PRKACB: variants seen among roughly 807,000 people sequenced by gnomAD.
PRKACB encodes protein kinase cAMP-activated catalytic subunit beta.
PRKACB carries 16 observed loss-of-function variants against 51.4 expected under a neutral mutation model. The observed-to-expected ratio is 0.31, with a 90% CI of 0.21 to 0.47. The LOEUF (loss-of-function observed/expected upper bound fraction) is 0.47. PRKACB is among the 20% of genes least tolerant of loss of function. The pLI is 1.00. For missense variants in PRKACB, 309 were observed against 464.5 expected, an observed-to-expected ratio of 0.67 and a Z score of 3.08; for synonymous variants, 147 against 154.4, an observed-to-expected ratio of 0.95 and a Z score of 0.35.
At chr1:84,191,639 G>T (rs1259322542) in intron 5 of PRKACB, among the ~76,000 whole-genome samples, 1 of 152,008 alleles carries the variant, frequency 6.6e-6, no homozygotes, top group Non-Finnish European at 1.5e-5. Flanking sequence ...AGTGTACGTG[G>T]ACATAAAGAT....
intron 8 of PRKACB, 55 bp downstream of exon 8, chr1:84,202,860 TCA>T: frequency 7.0e-7 from 1 of 1,424,138 alleles, no homozygotes; most frequent in Non-Finnish European, 9.6e-7. Flanking sequence ...ATTTTAAGCT[TCA>T]TGAATTGAAA....
In PRKACB at chr1:84,173,205, G is replaced by A. The variant is rs1042389067; in HGVS notation, c.188-5972G>A. ...TATATAATACATTTTTGGTATGTAT[G>A]TTCAATTGTTTTATCATTCTATTTC... On this transcript the variant is annotated intron_variant, in intron 1 of 9. Coordinates refer to ENST00000370685, the MANE Select transcript of PRKACB (RefSeq NM_182948.4). The A allele has an allele frequency of 2.5e-5, 15 of 609,734 alleles. No individual in the cohort carries two copies. The African/African-American group carries it at 2.7e-4, about 11-fold the overall frequency. 37.8% of individuals were successfully genotyped at this position (609,734 alleles called of 1,614,324 possible).
At chr1:84,226,272 TTG>T (rs200862995) in intron 9 of PRKACB, among the ~76,000 whole-genome samples, 4,721 of 62,524 alleles carry the variant, frequency 0.076, 136 homozygotes, top group Non-Finnish European at 0.19. Context: ...TGTGGGTTTT[TTG>T]TTTTTTTTTT....
At chr1:84,106,620 G>T (rs796408431) in intron 1 of PRKACB, among the ~76,000 whole-genome samples, 1 of 152,162 alleles carries the variant, frequency 6.6e-6, no homozygotes, top group Non-Finnish European at 1.5e-5. Context: ...CAGACAAGTG[G>T]AAGAGCACTC....
At chr1:84,201,305 T>C (rs1416808753) in intron 7 of PRKACB, among the ~76,000 whole-genome samples, 2 of 152,130 alleles carry the variant, frequency 1.3e-5, no homozygotes, top group Non-Finnish European at 2.9e-5. Context: ...ATTTTTCAAA[T>C]GGTTAATAGC....
chr1:84,106,461 A>G (rs746430020), intron 1 of PRKACB, among the ~76,000 whole-genome samples: 5 of 152,194 alleles, frequency 3.3e-5, no homozygotes, highest in African/African-American at 9.7e-5. Flanking sequence ...ATACACTAAC[A>G]GCACCCAAGC....
rs1313773215 is a variant in PRKACB at position 84,236,057 on chromosome 1, T to C, written c.*752T>C. ...CATTCAGCAGGAAAAACTAATGATA[T>C]GGATCATCACCCAGATTCTCTCACT... On this transcript the variant is annotated 3_prime_UTR_variant, in exon 10 of 10. Coordinates refer to ENST00000370685, the MANE Select transcript of PRKACB (RefSeq NM_182948.4). 1 of 152,656 alleles carries C rather than the reference T, an allele frequency of 6.6e-6. No individual in the cohort carries two copies. The highest frequency in any genetic ancestry group is 1.5e-5 in the Non-Finnish European group (1 of 68,044). 9.5% of individuals were successfully genotyped at this position (152,656 alleles called of 1,614,324 possible).
At chr1:84,135,648 C>T (rs949013568) in intron 1 of PRKACB, among the ~76,000 whole-genome samples, 2 of 152,004 alleles carry the variant, frequency 1.3e-5, no homozygotes, top group African/African-American at 4.8e-5. Flanking sequence ...AGTTAAAGAA[C>T]ATATTTCTAA....
At chr1:84,177,069 T>G (rs957813819) in intron 1 of PRKACB, among the ~76,000 whole-genome samples, 3 of 152,040 alleles carry the variant, frequency 2.0e-5, no homozygotes, top group African/African-American at 7.2e-5. Flanking sequence ...ATGTTAAAGT[T>G]GTTTTTTTTA....
intron 1 of PRKACB, among the ~76,000 whole-genome samples, chr1:84,159,893 A>G (rs191040647): frequency 3.0e-4 from 46 of 152,218 alleles, no homozygotes; most frequent in African/African-American, 9.9e-4. Flanking sequence ...TTGATTTTCA[A>G]TGTTGAACCA....
At chr1:84,171,433 C>T (rs1281786583) in intron 1 of PRKACB, among the ~76,000 whole-genome samples, 1 of 151,478 alleles carries the variant, frequency 6.6e-6, no homozygotes, top group Non-Finnish European at 1.5e-5. Flanking sequence ...TTATGCAGAA[C>T]TTAACAAAAT....
At chr1:84,090,837 T>C (rs887361760) in intron 1 of PRKACB, among the ~76,000 whole-genome samples, 3 of 152,140 alleles carry the variant, frequency 2.0e-5, no homozygotes, top group African/African-American at 7.2e-5. Context: ...TTCTGCACTT[T>C]GATGGAAGGA....
intron 1 of PRKACB, among the ~76,000 whole-genome samples, chr1:84,090,508 A>C (rs1170568535): frequency 1.3e-5 from 2 of 152,218 alleles, no homozygotes; most frequent in Non-Finnish European, 2.9e-5. Context: ...TAGCTCTGCT[A>C]ATAAATCACT....
At chr1:84,194,925 A>G (rs931063664) in intron 5 of PRKACB, among the ~76,000 whole-genome samples, 7 of 152,154 alleles carry the variant, frequency 4.6e-5, no homozygotes. Context: ...GTAAGAAAAA[A>G]AAAGAATTTT....
upstream of PRKACB, among the ~76,000 whole-genome samples, chr1:84,140,185 G>A (rs1322037952): frequency 6.6e-6 from 1 of 152,198 alleles, no homozygotes; most frequent in African/African-American, 2.4e-5. Context: ...CAGTGAAAGA[G>A]AATAGAGAGT....
At chr1:84,098,382 C>T (rs530532361) in intron 1 of PRKACB, among the ~76,000 whole-genome samples, 197 of 152,136 alleles carry the variant, frequency 1.3e-3, no homozygotes, top group Non-Finnish European at 2.4e-3. Context: ...CATTTTGTTT[C>T]CCTTTTAACA....
intron 1 of PRKACB, among the ~76,000 whole-genome samples, chr1:84,174,648 T>G (rs1660629680): frequency 6.6e-6 from 1 of 151,896 alleles, no homozygotes; most frequent in Admixed American, 6.6e-5. Flanking sequence ...GGTGTTATAA[T>G]GCGTAATGTC....
intron 1 of PRKACB, among the ~76,000 whole-genome samples, chr1:84,083,531 C>T (rs1436164569): frequency 2.0e-5 from 3 of 152,152 alleles, no homozygotes; most frequent in African/African-American, 7.2e-5. Flanking sequence ...GTGACAGAAG[C>T]AGCACGTGAG....
Position 84,086,584 on chromosome 1 carries a change from A to G in PRKACB, c.46+8213A>G, listed in dbSNP as rs372216396. On this transcript the variant is annotated intron_variant, in intron 1 of 8. Coordinates refer to the PRKACB transcript ENST00000370688. ...AAGCCTCGTGCCTGGCTCTTCTGCC[A>G]CCTGCATTTCTCTTTCTTGCTGCTG... 5.4e-4 allele frequency among the ~76,000 whole-genome samples: 83 copies of G among 152,322 alleles called. 1 individual carries two copies. The South Asian group carries it at 0.017, about 30-fold the overall frequency.
Sources: gnomAD v4.1 joint callset for allele counts (sites outside exome capture counted in the v4.1 genomes callset) on GRCh38, gnomAD v4.1.1 for gene constraint, MANE v1.5 for transcripts, NCBI Gene and HGNC (gene_info 2026-07-23, HGNC 2026-07-21) for gene names.